The following CYP27A1 variants were observed in gnomAD, a reference collection of about 807,000 sequenced individuals.
CYP27A1 encodes the protein cytochrome P450 family 27 subfamily A member 1.
A neutral mutation model predicts 58.2 loss-of-function variants in CYP27A1; 46 were observed. That is an observed-to-expected ratio of 0.79 (90% CI 0.62 to 1.01). CYP27A1 has a LOEUF of 1.01. CYP27A1 is among the 50% of genes least tolerant of loss of function. The probability of loss-of-function intolerance (pLI) is 0.00; values close to 1 mark genes in which losing one functional copy is unlikely to be tolerated. For missense variants in CYP27A1, 704 were observed against 687.0 expected (o/e 1.02, Z -0.28); for synonymous variants, 274 against 285.1 (o/e 0.96, Z 0.39).
chr2:218,784,956 G>C (rs1943428001), intron 1 of CYP27A1, among the ~76,000 whole-genome samples: 1 of 152,176 alleles, frequency 6.6e-6, no homozygotes, highest in South Asian at 2.1e-4. Flanking sequence ...TCCATGGACT[G>C]GGGTGGTGGG....
chr2:218,801,170 C>T (rs1178350091), intron 1 of CYP27A1, among the ~76,000 whole-genome samples: 1 of 152,070 alleles, frequency 6.6e-6, no homozygotes, highest in Non-Finnish European at 1.5e-5. Flanking sequence ...AGAAAAGTTA[C>T]AAAGAAAATA....
intron 2 of CYP27A1, among the ~76,000 whole-genome samples, chr2:218,810,744 AT>A (rs1943704167): frequency 6.6e-6 from 1 of 152,086 alleles, no homozygotes; most frequent in African/African-American, 2.4e-5. Context: ...TCTGGTTTTC[AT>A]TTCTTTTTCA....
Position 218,782,260 on chromosome 2 carries a change from A to AG in CYP27A1, c.79dup (p.Ala27GlyfsTer154). 1 of 1,561,872 alleles carries AG rather than the reference A, an allele frequency of 6.4e-7. No homozygotes were observed. The highest frequency in any genetic ancestry group is 8.7e-7 in the Non-Finnish European group (1 of 1,154,488). ...GTGGCCTCTGCCCCCACGGGGCCAG[A>AG]GCCAAGGCCGCGATCCCTGCCGCCC... On this transcript the variant is annotated frameshift_variant, in exon 1 of 9. Coordinates refer to ENST00000258415, the MANE Select transcript of CYP27A1 (RefSeq NM_000784.4). LOFTEE classifies it high-confidence loss of function. The surrounding 1 kb of genome is among the most constrained non-coding windows in gnomAD (Gnocchi z 4.1).
intron 1 of CYP27A1, among the ~76,000 whole-genome samples, chr2:218,790,886 A>G (rs1943486141): frequency 2.0e-5 from 3 of 151,892 alleles, no homozygotes; most frequent in Non-Finnish European, 4.4e-5. Flanking sequence ...TATTTTTAGT[A>G]GAGACGGGGT....
chr2:218,815,134 G>C lies in CYP27A1; in HGVS notation c.*104G>C, dbSNP rs549842928. On this transcript the variant is annotated 3_prime_UTR_variant, in exon 9 of 9. Coordinates refer to ENST00000258415, the MANE Select transcript of CYP27A1 (RefSeq NM_000784.4). ...AGATGAGGAGGGAGAGAAGGAGGCC[G>C]CCAGACTCGAGAGGTGGGAGGAACT... The C allele has an allele frequency of 2.8e-6, 4 of 1,436,710 alleles. No individual in the cohort carries two copies. In the African/African-American group the frequency reaches 5.6e-5, roughly 20 times the overall value. The allele number at this position is 1,436,710 out of a possible 1,614,324, so 89.0% of individuals were successfully genotyped here.
intron 1 of CYP27A1, among the ~76,000 whole-genome samples, chr2:218,808,807 A>T (rs1943676600): frequency 6.6e-6 from 1 of 152,170 alleles, no homozygotes; most frequent in Non-Finnish European, 1.5e-5. Flanking sequence ...CATTTTCAGC[A>T]ACTATAAGAC....
rs963985555 is a variant in CYP27A1, at chr2:218,782,759, C to T, written c.255+322C>T. Among the ~76,000 whole-genome samples the T allele has an allele frequency of 2.0e-5, 3 of 152,240 alleles. No individual in the cohort carries two copies. Among genetic ancestry groups the T allele is most frequent in the South Asian group, 2.1e-4 (1 of 4,824 alleles). On this transcript the variant is annotated intron_variant, in intron 1 of 8. Transcript: ENST00000258415. This position sits in a 1 kb window ranked among gnomAD's most constrained non-coding sequence, Gnocchi z 4.1. ...AGAGTGGCAGAGGCAAATGTGTAAG[C>T]TAACGGATATTATGGAATCACTAAT...
chr2:218,797,342 CCA>C (rs1943557253), intron 1 of CYP27A1, among the ~76,000 whole-genome samples: 1 of 152,106 alleles, frequency 6.6e-6, no homozygotes, highest in Admixed American at 6.6e-5. Context: ...CTCAGGTGAC[CCA>C]CCTACCTTGC....
At chr2:218,787,832 T>C (rs1351364618) in intron 1 of CYP27A1, among the ~76,000 whole-genome samples, 1 of 152,188 alleles carries the variant, frequency 6.6e-6, no homozygotes, top group Non-Finnish European at 1.5e-5. Context: ...CAGCCTCAGA[T>C]ATTCTGTCAT....
chr2:218,786,205 G>A (rs1943438849), intron 1 of CYP27A1, among the ~76,000 whole-genome samples: 1 of 152,160 alleles, frequency 6.6e-6, no homozygotes, highest in Non-Finnish European at 1.5e-5. Context: ...GCTTGGCCTG[G>A]GTTAATTGCC....
At chr2:218,794,045 G>GA (rs1312083765) in intron 1 of CYP27A1, among the ~76,000 whole-genome samples, 7 of 152,014 alleles carry the variant, frequency 4.6e-5, no homozygotes, top group Non-Finnish European at 7.4e-5. Context: ...GGGTGAAAAG[G>GA]AAAAAAATTC....
chr2:218,783,866 T>G (rs1442008679), intron 1 of CYP27A1, among the ~76,000 whole-genome samples: 2 of 152,146 alleles, frequency 1.3e-5, no homozygotes, highest in Admixed American at 6.5e-5. Flanking sequence ...GGGACAGGAC[T>G]GGCCTTTGAG....
At chr2:218,807,202 G>T (rs565903731) in intron 1 of CYP27A1, among the ~76,000 whole-genome samples, 5 of 151,930 alleles carry the variant, frequency 3.3e-5, no homozygotes, top group African/African-American at 1.2e-4. Context: ...CTTGTGATTT[G>T]CCCACCTCAG....
rs1943687770 is a variant in CYP27A1 at position 218,809,464 on chromosome 2, T to TG, written c.256-112dup. 2.0e-5 allele frequency: 7 copies of TG among 355,792 alleles called. No homozygotes were observed. The South Asian group carries it at 2.3e-4, about 11-fold the overall frequency. 22.0% of individuals were successfully genotyped at this position (355,792 alleles called of 1,614,324 possible). On this transcript the variant is annotated intron_variant, in intron 1 of 8. Transcript: ENST00000258415. The stretch of plus-strand genomic sequence containing the variant: ...GCCCTTTTTTTTTTTTTTTTTTTTT[T>TG]GCCCAGCTCATTTGCTCTTGTGTAG...
At chr2:218,804,273 G>C (rs1481206325) in intron 1 of CYP27A1, among the ~76,000 whole-genome samples, 1 of 152,114 alleles carries the variant, frequency 6.6e-6, no homozygotes, top group Non-Finnish European at 1.5e-5. Flanking sequence ...GTTATCCAGT[G>C]GTCCCAGTAC....
chr2:218,782,468 T>G lies in CYP27A1; in HGVS notation c.255+31T>G. 6.2e-7 allele frequency: 1 copy of G among 1,613,862 alleles called. No homozygotes were observed. Reference sequence around the variant, plus strand: ...CCGCGGGGGCATCGCGTCCTGGGGATGGGAGTGGGCACCGGAACAGAGAGG... The same window carrying G: ...CCGCGGGGGCATCGCGTCCTGGGGAGGGGAGTGGGCACCGGAACAGAGAGG... On this transcript the variant is annotated intron_variant, in intron 1 of 8. Coordinates refer to ENST00000258415, the MANE Select transcript of CYP27A1 (RefSeq NM_000784.4). The surrounding 1 kb of genome is among the most constrained non-coding windows in gnomAD (Gnocchi z 4.1).
At chr2:218,806,019 C>T (rs1401692844) in intron 1 of CYP27A1, 2 of 152,164 alleles carry the variant, frequency 1.3e-5, no homozygotes, top group African/African-American at 4.8e-5. Context: ...AGGAAAGAAG[C>T]TGGTATTGTT....
At chr2:218,801,286 C>CCTCGTGA (rs910622439) in intron 1 of CYP27A1, among the ~76,000 whole-genome samples, 60 of 152,240 alleles carry the variant, frequency 3.9e-4, no homozygotes, top group African/African-American at 1.3e-3. Context: ...GAGTGGATCA[C>CCTCGTGA]GTGAGGTCAG....
At position 218,814,161 on chromosome 2, in the gene CYP27A1, C is replaced by G. The variant is rs1482987245; in HGVS notation, c.1158C>G (p.Leu386=). 1 of 1,614,226 alleles carries G rather than the reference C, an allele frequency of 6.2e-7. No homozygotes were observed. Among genetic ancestry groups the G allele is most frequent in the Non-Finnish European group, 8.5e-7 (1 of 1,180,046 alleles). Residue 386 remains leucine (L), a synonymous_variant, in exon 6 of 9, where the codon CTC becomes CTG. Transcript: ENST00000258415. ...AGGACTTTGCCCACATGCCGTTGCTCAAAGCTGTGCTTAAGGAGACTCTGC... is the reference window on the plus strand; with the variant it reads ...AGGACTTTGCCCACATGCCGTTGCTGAAAGCTGTGCTTAAGGAGACTCTGC... ...QHKDFAHMPL[L]KAVLKETLRL... is the part of the protein sequence containing the mutation.
Sources: allele counts gnomAD v4.1 joint callset (sites outside exome capture counted in the v4.1 genomes callset), GRCh38; gene constraint gnomAD v4.1.1; non-coding constraint Gnocchi (gnomAD v3.1); transcripts MANE v1.5; gene names NCBI Gene and HGNC (gene_info 2026-07-23, HGNC 2026-07-21).